DST: variants seen among roughly 807,000 people sequenced by gnomAD.
DST encodes the protein bullous pemphigoid antigen.
In DST, 253 loss-of-function variants were observed where a neutral mutation model predicts 875.2. The ratio of observed to expected loss-of-function variants is 0.29; its 90% CI spans 0.26 to 0.32. DST has a LOEUF of 0.32. Among genes scored for constraint, DST ranks in the 10% least tolerant of loss-of-function variants. DST has a pLI of 1.00. For synonymous variants in DST, 3,124 were observed against 3,197.1 expected, an observed-to-expected ratio of 0.98 and a Z score of 0.77; for missense variants, 8,287 against 9,111.6, an observed-to-expected ratio of 0.91 and a Z score of 3.68.
intron 2 of DST, among the ~76,000 whole-genome samples, chr6:56,926,566 C>T (rs1807199094): frequency 6.6e-6 from 1 of 152,158 alleles, no homozygotes. Flanking sequence ...AAGGAAAGAC[C>T]TGCTGGTCAG....
intron 4 of DST, among the ~76,000 whole-genome samples, chr6:56,758,703 C>T (rs1564031077): frequency 6.6e-6 from 1 of 152,144 alleles, no homozygotes; most frequent in South Asian, 2.1e-4. Flanking sequence ...AAGCAGTCAG[C>T]GAGAACAGCC....
At chr6:56,826,101 C>T (rs1324178854) in intron 4 of DST, among the ~76,000 whole-genome samples, 1 of 152,240 alleles carries the variant, frequency 6.6e-6, no homozygotes. Flanking sequence ...TTATGCAAGG[C>T]AGTGTCTTCT....
In DST at chr6:56,764,381, T is replaced by C. The variant is rs534643177; in HGVS notation, c.626-29092A>G. The stretch of plus-strand genomic sequence containing the variant: ...TTTCTTTCACTTTCTTTGGTCACTT[T>C]CAATATTCTGCAATTTCTGGAGCCC... On this transcript the variant is annotated intron_variant, in intron 4 of 103. Coordinates refer to ENST00000680361, the MANE Select transcript of DST (RefSeq NM_001374736.1). Among the ~76,000 whole-genome samples, 6 of 152,332 alleles carry C rather than the reference T, an allele frequency of 3.9e-5. No individual in the cohort carries two copies. The East Asian group carries it at 1.2e-3, about 29-fold the overall frequency.
intron 55 of DST, among the ~76,000 whole-genome samples, chr6:56,563,636 G>A (rs2097583386): frequency 6.6e-6 from 1 of 152,142 alleles, no homozygotes; most frequent in African/African-American, 2.4e-5. Flanking sequence ...TGGTGTTTTA[G>A]TCATGAAGTC....
chr6:56,485,122 A>T (rs1322227662), intron 88 of DST, 190 bp downstream of exon 88: 8 of 587,612 alleles, frequency 1.4e-5, no homozygotes, highest in Admixed American at 3.4e-5. Flanking sequence ...ACACTAAATA[A>T]TACTTCCCCA....
rs192008282 is a variant in DST at position 56,643,632 on chromosome 6, G to C, written c.1779-1129C>G. Among the ~76,000 whole-genome samples the C allele has an allele frequency of 2.9e-3, 440 of 152,220 alleles. 2 individuals carry two copies. The highest frequency in any genetic ancestry group is 0.01 in the Middle Eastern group (3 of 294). Reference sequence around the variant, plus strand: ...ATACATAGACAATGCCAAAAAATTCGCATGAAGAAACATGAAGGCATTTAT... The same window carrying C: ...ATACATAGACAATGCCAAAAAATTCCCATGAAGAAACATGAAGGCATTTAT... On this transcript the variant is annotated intron_variant, in intron 15 of 103. Transcript: ENST00000680361.
chr6:56,670,924 C>T, intron 9 of DST, 117 bp from the exon 10 acceptor site: 1 of 559,530 alleles, frequency 1.8e-6, no homozygotes. Context: ...ACAATTCCCG[C>T]TTCATGAGAT....
At chr6:56,589,631 C>T (rs1196048605) in intron 49 of DST, among the ~76,000 whole-genome samples, 1 of 152,190 alleles carries the variant, frequency 6.6e-6, no homozygotes, top group Non-Finnish European at 1.5e-5. Context: ...AATGCAATCC[C>T]CATTGCTGGT....
At chr6:56,501,291 G>A (rs2096113476) in intron 79 of DST, 56 bp from the exon 80 acceptor site, 2 of 1,504,014 alleles carry the variant, frequency 1.3e-6, no homozygotes, top group South Asian at 1.3e-5. Context: ...TGAATGACAT[G>A]TCTATAAAAC....
At chr6:56,620,394 G>A in intron 36 of DST, 1 of 1,614,178 alleles carries the variant, frequency 6.2e-7, no homozygotes, top group Non-Finnish European at 8.5e-7. Context: ...ACCCGCTCCA[G>A]TTCTCTTTCA....
intron 2 of DST, among the ~76,000 whole-genome samples, chr6:56,939,039 A>AG (rs1814845617): frequency 6.6e-6 from 1 of 152,372 alleles, no homozygotes; most frequent in Non-Finnish European, 1.5e-5. Context: ...TACACTACAA[A>AG]GGGGCAGTGA....
chr6:56,654,221 A>G (rs557586254), intron 10 of DST, among the ~76,000 whole-genome samples: 35 of 152,272 alleles, frequency 2.3e-4, no homozygotes, highest in African/African-American at 7.9e-4. Context: ...TTATTATTCT[A>G]TGATAATGTT....
chr6:56,588,102 G>A (rs2098197112), intron 49 of DST, among the ~76,000 whole-genome samples: 1 of 152,044 alleles, frequency 6.6e-6, no homozygotes, highest in Non-Finnish European at 1.5e-5. Context: ...CTCCAATCAA[G>A]TATTTCTTTA....
Position 56,765,355 on chromosome 6 carries a change from A to C in DST, c.626-30066T>G, listed in dbSNP as rs200785556. ...TTTTGAATTTCATAACAAATACTGAAATGCAGTAACAGAACTTGCAAGTGT... is the reference window on the plus strand; with the variant it reads ...TTTTGAATTTCATAACAAATACTGACATGCAGTAACAGAACTTGCAAGTGT... On this transcript the variant is annotated intron_variant, in intron 4 of 103. Coordinates refer to ENST00000680361, the MANE Select transcript of DST (RefSeq NM_001374736.1). Among the ~76,000 whole-genome samples the C allele has an allele frequency of 7.3e-4, 111 of 152,326 alleles. 2 individuals carry two copies. In the East Asian group the frequency reaches 0.014, roughly 20 times the overall value.
In DST at chr6:56,808,952, A is replaced by C. The variant is rs186945106; in HGVS notation, c.625+42445T>G. Among the ~76,000 whole-genome samples, 388 of 152,262 alleles carry C rather than the reference A, an allele frequency of 2.5e-3. 1 individual carries two copies. The highest frequency in any genetic ancestry group is 5.4e-3 in the Admixed American group (82 of 15,288). On this transcript the variant is annotated intron_variant, in intron 4 of 103. Transcript: ENST00000680361. ...AAGTCTGGTTTATATTGGACTGCCT[A>C]ATGTGAATCCCACAGTGCGGTGCAG...
At chr6:56,742,593 T>G (rs1013879562) in intron 4 of DST, among the ~76,000 whole-genome samples, 1 of 152,244 alleles carries the variant, frequency 6.6e-6, no homozygotes, top group Non-Finnish European at 1.5e-5. Context: ...CATTTTAAAG[T>G]TGTTCTTAAG....
intron 23 of DST, 77 bp downstream of exon 23, chr6:56,636,480 T>G: frequency 9.0e-7 from 1 of 1,110,844 alleles, no homozygotes; most frequent in South Asian, 1.2e-5. Context: ...ATCCTAACAA[T>G]AAATTATGAA....
intron 9 of DST, among the ~76,000 whole-genome samples, chr6:56,679,794 G>A (rs1393841658): frequency 6.6e-6 from 1 of 151,760 alleles, no homozygotes; most frequent in African/African-American, 2.4e-5. Flanking sequence ...TTCACTACTT[G>A]TCTAAAACTA....
At chr6:56,496,003 T>C (rs1179377233) in intron 82 of DST, among the ~76,000 whole-genome samples, 2 of 152,180 alleles carry the variant, frequency 1.3e-5, no homozygotes, top group African/African-American at 4.8e-5. Flanking sequence ...TTAAAGAGTG[T>C]AGATATTGAT....
Sources: gnomAD v4.1 joint callset for allele counts (sites outside exome capture counted in the v4.1 genomes callset) on GRCh38, gnomAD v4.1.1 for gene constraint, MANE v1.5 for transcripts, NCBI Gene and HGNC (gene_info 2026-07-23, HGNC 2026-07-21) for gene names.